The following ARID4A variants were observed in gnomAD, a reference collection of about 807,000 sequenced individuals.
ARID4A encodes the protein AT-rich interaction domain 4A, also known as AT-rich interactive domain-containing protein 4A.
Under a neutral mutation model 148.6 loss-of-function variants are expected in ARID4A, and 39 were observed. That is an observed-to-expected ratio of 0.26 (90% CI 0.20 to 0.34). The LOEUF is 0.34. ARID4A is among the 10% of genes least tolerant of loss of function. The pLI, the probability that ARID4A is intolerant of heterozygous loss-of-function variation, is 1.00. For missense variants in ARID4A, 1,265 were observed against 1,449.1 expected, an observed-to-expected ratio of 0.87 and a Z score of 2.06; for synonymous variants, 475 against 481.2, an observed-to-expected ratio of 0.99 and a Z score of 0.17.
intron 2 of ARID4A, among the ~76,000 whole-genome samples, chr14:58,300,927 C>T (rs1175062943): frequency 6.6e-6 from 1 of 151,852 alleles, no homozygotes; most frequent in Non-Finnish European, 1.5e-5. Flanking sequence ...TGGTCGTGTC[C>T]ATTTGCTGAA....
intron 9 of ARID4A, among the ~76,000 whole-genome samples, chr14:58,328,720 C>T (rs1245592363): frequency 6.6e-6 from 1 of 152,038 alleles, no homozygotes; most frequent in Non-Finnish European, 1.5e-5. Flanking sequence ...TTGGGCCGGG[C>T]GCAGTTGCTG....
chr14:58,356,699 A>AT (rs1174156900), intron 17 of ARID4A, among the ~76,000 whole-genome samples: 3,676 of 128,060 alleles, frequency 0.029, 96 homozygotes, highest in African/African-American at 0.055. Flanking sequence ...TTGAATTTTG[A>AT]TTTTTTTTTT....
chr14:58,348,290 C>G (rs2034469700), intron 15 of ARID4A, among the ~76,000 whole-genome samples: 1 of 152,164 alleles, frequency 6.6e-6, no homozygotes, highest in Non-Finnish European at 1.5e-5. Flanking sequence ...TTTTGCCCCA[C>G]TCTACACTAG....
intron 2 of ARID4A, 40 bp from the exon 3 acceptor site, chr14:58,301,540 C>A: frequency 7.0e-7 from 1 of 1,424,482 alleles, no homozygotes; most frequent in Non-Finnish European, 9.9e-7. Context: ...AGTAGGGAGG[C>A]ATAGTAATGA....
At position 58,365,305 on chromosome 14, in the gene ARID4A, G is replaced by C. The variant is rs1386151383; in HGVS notation, c.3211+5G>C. 6.3e-7 allele frequency: 1 copy of C among 1,595,842 alleles called. No individual in the cohort carries two copies. The highest frequency in any genetic ancestry group is 1.4e-5 in the African/African-American group (1 of 73,932). On this transcript the variant is annotated splice_donor_5th_base_variant and intron_variant, in intron 20 of 23. Coordinates refer to ENST00000355431, the MANE Select transcript of ARID4A (RefSeq NM_002892.4). ...AGAGAGAGAGCAGAGAGAAGGGTAA[G>C]GACTTTCTAGGGAAAAGTAAGTGTT...
At chr14:58,338,484 C>A (rs959354760) in intron 11 of ARID4A, among the ~76,000 whole-genome samples, 2 of 152,104 alleles carry the variant, frequency 1.3e-5, no homozygotes, top group Non-Finnish European at 2.9e-5. Context: ...GTCTTAACAT[C>A]TCTCCTTCCA....
At chr14:58,344,974 G>A (rs972568629) in intron 12 of ARID4A, among the ~76,000 whole-genome samples, 1 of 152,188 alleles carries the variant, frequency 6.6e-6, no homozygotes, top group African/African-American at 2.4e-5. Flanking sequence ...CTGGGCTCAA[G>A]TGATCCTCCT....
intron 11 of ARID4A, among the ~76,000 whole-genome samples, chr14:58,335,796 T>G (rs1430752918): frequency 6.6e-6 from 1 of 152,266 alleles, no homozygotes; most frequent in African/African-American, 2.4e-5. Context: ...CTTAACCCCC[T>G]GTCCAATCAG....
chr14:58,311,629 T>C (rs1020732349), intron 5 of ARID4A, among the ~76,000 whole-genome samples: 3 of 152,224 alleles, frequency 2.0e-5, no homozygotes, highest in Non-Finnish European at 4.4e-5. Context: ...GAGATGTATC[T>C]GTATTCCCAT....
chr14:58,352,960 CT>C (rs1434459057), intron 16 of ARID4A, among the ~76,000 whole-genome samples: 1 of 152,136 alleles, frequency 6.6e-6, no homozygotes, highest in Non-Finnish European at 1.5e-5. Flanking sequence ...AAATGTAAAG[CT>C]TTGTTCTTGT....
intron 1 of ARID4A, 59 bp downstream of exon 1, chr14:58,298,759 C>G (rs1331571237): frequency 6.6e-6 from 1 of 152,348 alleles, no homozygotes; most frequent in Non-Finnish European, 1.5e-5. Context: ...GTAGCAGCAG[C>G]TGCTGCTGCC....
chr14:58,372,988 G>A lies in ARID4A; in HGVS notation c.*999G>A, dbSNP rs1043891604. Reference sequence around the variant, plus strand: ...TAGCTCTCAGCTGTCCTTTTTACAGGAGGTTGCATCCTGCAGCCTTGCCTG... The same window carrying A: ...TAGCTCTCAGCTGTCCTTTTTACAGAAGGTTGCATCCTGCAGCCTTGCCTG... On this transcript the variant is annotated 3_prime_UTR_variant, in exon 24 of 24. Transcript: ENST00000355431. 5.2e-6 allele frequency: 1 copy of A among 192,950 alleles called. No individual in the cohort carries two copies. The allele number at this position is 192,950 out of a possible 1,614,324, so 12.0% of individuals were successfully genotyped here. A position where few individuals can be genotyped will look rare whatever the true frequency, so the allele number is the denominator to read the frequency against.
At chr14:58,370,053 G>A (rs2035535744) in intron 23 of ARID4A, 3 of 152,212 alleles carry the variant, frequency 2.0e-5, no homozygotes. Flanking sequence ...CTTGACCATT[G>A]TGCTCCAAGT....
intron 5 of ARID4A, among the ~76,000 whole-genome samples, chr14:58,316,654 C>T (rs1340130778): frequency 6.6e-6 from 1 of 152,092 alleles, no homozygotes; most frequent in Non-Finnish European, 1.5e-5. Context: ...AATCTCTGCT[C>T]ACTGCAACCT....
At chr14:58,358,821 G>A (rs1191696585) in intron 17 of ARID4A, among the ~76,000 whole-genome samples, 2 of 152,200 alleles carry the variant, frequency 1.3e-5, no homozygotes, top group Admixed American at 1.3e-4. Context: ...GCTCAGGTCT[G>A]TAAAAGCTGT....
intron 11 of ARID4A, among the ~76,000 whole-genome samples, chr14:58,340,211 C>CT (rs1030124329): frequency 2.4e-4 from 36 of 151,502 alleles, no homozygotes; most frequent in Admixed American, 3.9e-4. Context: ...CCACCTGTGT[C>CT]TTTTTTTTTC....
rs763843963 is a variant in ARID4A at position 58,371,895 on chromosome 14, C to T, written c.3680C>T (p.Ala1227Val). The T allele has an allele frequency of 1.8e-5, 29 of 1,612,232 alleles. 1 individual carries two copies. Among genetic ancestry groups the T allele is most frequent in the East Asian group, 1.6e-4 (7 of 44,866 alleles). The change falls in exon 24 of 24, where the codon GCG (alanine) becomes GTG (valine). Residue 1227 changes from alanine (A) to valine (V), a missense_variant. By Grantham distance (64) the Ala-to-Val change is moderately conservative (BLOSUM62 0). This residue lies in a region of ARID4A where 666 missense variants were observed against 730.9 expected (regional missense o/e 0.91). Coordinates refer to ENST00000355431, the MANE Select transcript of ARID4A (RefSeq NM_002892.4). ...TGTTTTGATTCCACAGTGTCTCATG[C>T]GGGAGCCTCCATGTCATCTGCTTCA... ...LKKKDREVSH[A>V]GASMSSASSD...
At chr14:58,359,649 A>G (rs1371660854) in intron 18 of ARID4A, among the ~76,000 whole-genome samples, 1 of 151,972 alleles carries the variant, frequency 6.6e-6, no homozygotes, top group Non-Finnish European at 1.5e-5. Flanking sequence ...CTCTCTCCAT[A>G]GTTTTTGCCT....
At position 58,304,929 on chromosome 14, in the gene ARID4A, C is replaced by T. The variant is rs775818233; in HGVS notation, c.118-15C>T. ...TAAAAGTAATATGCAAATTATTGTG[C>T]AAAATGTTTTTCAGGTACTCCTGAA... On this transcript the variant is annotated splice_polypyrimidine_tract_variant and intron_variant, in intron 3 of 23. Transcript: ENST00000355431. 4.4e-6 allele frequency: 7 copies of T among 1,599,964 alleles called. No homozygotes were observed. Among genetic ancestry groups the T allele is most frequent in the Non-Finnish European group, 6.0e-6 (7 of 1,173,968 alleles).
Sources: allele counts gnomAD v4.1 joint callset (sites outside exome capture counted in the v4.1 genomes callset), GRCh38; gene constraint gnomAD v4.1.1; regional missense constraint gnomAD v4.1.1; transcripts MANE v1.5; gene names NCBI Gene and HGNC (gene_info 2026-07-23, HGNC 2026-07-21).